The following TJP2 variants were observed in gnomAD, a reference collection of about 807,000 sequenced individuals.
The protein encoded by TJP2 is tight junction protein 2, also known as Friedreich ataxia region gene X104 (tight junction protein ZO-2).
A neutral mutation model predicts 133.1 loss-of-function variants in TJP2; 91 were observed. That is an observed-to-expected ratio of 0.68 (90% CI 0.58 to 0.81). The LOEUF (loss-of-function observed/expected upper bound fraction) is 0.81, where lower values mean the gene tolerates loss of function less well. Ranked by LOEUF, TJP2 falls within the 40% of genes least tolerant of loss-of-function variation. The pLI is 0.00. For synonymous variants in TJP2, 592 were observed against 583.4 expected, an observed-to-expected ratio of 1.01 and a Z score of -0.21; for missense variants, 1,541 against 1,565.6, an observed-to-expected ratio of 0.98 and a Z score of 0.26.
intron 1 of TJP2, among the ~76,000 whole-genome samples, chr9:69,142,165 G>C (rs1823044672): frequency 6.6e-6 from 1 of 152,208 alleles, no homozygotes; most frequent in East Asian, 1.9e-4. Context: ...GCTGGCGCTG[G>C]GCACATGGGT....
intron 1 of TJP2, chr9:69,205,064 C>T: frequency 6.8e-7 from 1 of 1,476,736 alleles, no homozygotes; most frequent in Non-Finnish European, 9.0e-7. Context: ...AAATGTGGGC[C>T]ACTATTGTAT....
At chr9:69,186,658 T>A (rs965763998) in intron 1 of TJP2, among the ~76,000 whole-genome samples, 1 of 152,240 alleles carries the variant, frequency 6.6e-6, no homozygotes, top group Non-Finnish European at 1.5e-5. Context: ...ATTGACCTAA[T>A]TCACTCCTTT....
Position 69,220,934 on chromosome 9 carries a change from C to G in TJP2, c.390C>G (p.Ser130Arg). The change falls in exon 5 of 23, where the codon AGC becomes AGG. Residue 130 changes from serine to arginine, a missense_variant. By Grantham distance (110) the Ser-to-Arg change is moderately radical (BLOSUM62 -1). Transcript: ENST00000377245. ...TCCAGGTGGCCGCACTTCAGGCCAG[C>G]CCTCCCCTGGATCAGGATGACCGGG... Reference protein sequence around the residue: ...RKVQVAALQASPPLDQDDRAF... With the variant: ...RKVQVAALQARPPLDQDDRAF... 1.2e-6 allele frequency: 2 copies of G among 1,612,596 alleles called. No individual in the cohort carries two copies. The highest frequency in any genetic ancestry group is 2.2e-5 in the South Asian group (2 of 90,986).
chr9:69,224,557 A>G (rs920351554), intron 5 of TJP2, among the ~76,000 whole-genome samples: 1 of 152,090 alleles, frequency 6.6e-6, no homozygotes, highest in Non-Finnish European at 1.5e-5. Flanking sequence ...GGCACCTGTA[A>G]TCCCAGCTAC....
intron 1 of TJP2, among the ~76,000 whole-genome samples, chr9:69,201,180 G>T (rs1486129041): frequency 6.6e-6 from 1 of 152,174 alleles, no homozygotes; most frequent in Non-Finnish European, 1.5e-5. Flanking sequence ...GTGCATGGTT[G>T]CTTTTGGGTC....
intron 19 of TJP2, 117 bp downstream of exon 19, chr9:69,248,341 G>A (rs1831080411): frequency 6.9e-7 from 1 of 1,454,636 alleles, no homozygotes; most frequent in Non-Finnish European, 9.1e-7. Context: ...TGGAGCAGAT[G>A]ACTTCCAGGG....
chr9:69,252,781 T>G (rs759328653), intron 21 of TJP2, 34 bp from the exon 22 acceptor site: 3 of 1,603,390 alleles, frequency 1.9e-6, no homozygotes, highest in Non-Finnish European at 2.6e-6. Context: ...GTTCATTCTT[T>G]CACTCTTATT....
chr9:69,165,492 A>G (rs1824302907), intron 2 of TJP2, among the ~76,000 whole-genome samples: 4 of 152,098 alleles, frequency 2.6e-5, no homozygotes, highest in Non-Finnish European at 1.5e-5. Flanking sequence ...TCTCTGAAGC[A>G]TAGTTTCTTC....
intron 1 of TJP2, among the ~76,000 whole-genome samples, chr9:69,137,677 C>G (rs1466198917): frequency 6.6e-6 from 1 of 151,408 alleles, no homozygotes; most frequent in Non-Finnish European, 1.5e-5. Flanking sequence ...CTTTTTTTTT[C>G]AAGGGACAGA....
intron 1 of TJP2, among the ~76,000 whole-genome samples, chr9:69,176,455 G>T (rs73449175): frequency 0.015 from 2,343 of 152,304 alleles, 52 homozygotes; most frequent in African/African-American, 0.054. Context: ...TGAAAGAGTT[G>T]TTGTTCACAC....
At chr9:69,248,810 A>G in intron 19 of TJP2, 1 of 994,940 alleles carries the variant, frequency 1.0e-6, no homozygotes, top group East Asian at 1.1e-4. Flanking sequence ...GTAAAGTCAC[A>G]GCCAAGTTAG....
At chr9:69,240,821 T>C (rs1356128680) in intron 17 of TJP2, among the ~76,000 whole-genome samples, 1 of 150,598 alleles carries the variant, frequency 6.6e-6, no homozygotes, top group East Asian at 1.9e-4. Context: ...AAAAAAAAAA[T>C]CTAGAAACTT....
chr9:69,145,105 T>C (rs1356434602), intron 1 of TJP2, among the ~76,000 whole-genome samples: 1 of 152,222 alleles, frequency 6.6e-6, no homozygotes, highest in Admixed American at 6.5e-5. Flanking sequence ...TAATAATAAT[T>C]TTAAAAACCC....
chr9:69,218,205 A>G (rs1828538306), intron 3 of TJP2, 52 bp from the exon 4 acceptor site: 10 of 1,380,698 alleles, frequency 7.2e-6, no homozygotes, highest in African/African-American at 1.4e-5. Context: ...TAAATAATTT[A>G]CAATGAATAG....
At chr9:69,195,142 G>A (rs1459421562) in intron 1 of TJP2, among the ~76,000 whole-genome samples, 2 of 152,054 alleles carry the variant, frequency 1.3e-5, no homozygotes, top group South Asian at 2.1e-4. Flanking sequence ...TGACAAAGCC[G>A]TTTATGATTA....
chr9:69,190,537 GAAAT>G (rs1039890562), intron 1 of TJP2, among the ~76,000 whole-genome samples: 4 of 152,154 alleles, frequency 2.6e-5, no homozygotes, highest in African/African-American at 2.4e-5. Context: ...CAAATACAAG[GAAAT>G]AAATAACCCA....
chr9:69,237,072 C>A lies in TJP2; in HGVS notation c.2115C>A (p.Asp705Glu), dbSNP rs2133388522. The change falls in exon 14 of 23, where the codon GAC becomes GAA. Residue 705 changes from aspartate (D) to glutamate (E), a missense_variant. By Grantham distance (45) the Asp-to-Glu change is conservative. Coordinates refer to ENST00000377245, the MANE Select transcript of TJP2 (RefSeq NM_004817.4). Reference sequence around the variant, plus strand: ...AGAACCTGAGGAAAAGTCGGGAAGACCTCACAGCTGTTGTGTCTGTCAGCA... The same window carrying A: ...AGAACCTGAGGAAAAGTCGGGAAGAACTCACAGCTGTTGTGTCTGTCAGCA... ...VKKNLRKSRE[D>E]LTAVVSVSTK... 1 of 1,614,128 alleles carries A rather than the reference C, an allele frequency of 6.2e-7. No homozygotes were observed. The highest frequency in any genetic ancestry group is 8.5e-7 in the Non-Finnish European group (1 of 1,180,042).
At chr9:69,229,589 T>G (rs542374186) in intron 10 of TJP2, among the ~76,000 whole-genome samples, 83 of 152,330 alleles carry the variant, frequency 5.4e-4, no homozygotes, top group African/African-American at 1.8e-3. Flanking sequence ...CTGTGGTGAC[T>G]GCACTGATGT....
intron 22 of TJP2, chr9:69,253,701 T>C: frequency 5.2e-6 from 1 of 193,772 alleles, no homozygotes; most frequent in South Asian, 1.1e-4. Context: ...CGCCTCGGCC[T>C]CCCAAAGTGC....
Sources: allele counts gnomAD v4.1 joint callset (sites outside exome capture counted in the v4.1 genomes callset), GRCh38; gene constraint gnomAD v4.1.1; transcripts MANE v1.5; gene names NCBI Gene and HGNC (gene_info 2026-07-23, HGNC 2026-07-21).